Variants in ZDHHC21 observed in about 807,000 individuals in gnomAD.
ZDHHC21 encodes the protein palmitoyltransferase ZDHHC21.
A neutral mutation model predicts 34.6 loss-of-function variants in ZDHHC21; 15 were observed. The observed-to-expected ratio is 0.43, with a 90% CI of 0.29 to 0.67. ZDHHC21 has a LOEUF of 0.67. ZDHHC21 is among the 30% of genes least tolerant of loss of function. The pLI is 0.14. For synonymous variants in ZDHHC21, 142 were observed against 101.8 expected, an observed-to-expected ratio of 1.40 and a Z score of -2.38; for missense variants, 344 against 327.7, an observed-to-expected ratio of 1.05 and a Z score of -0.38.
At chr9:14,689,009 T>G (rs905296297) in intron 2 of ZDHHC21, among the ~76,000 whole-genome samples, 2 of 152,164 alleles carry the variant, frequency 1.3e-5, no homozygotes, top group Non-Finnish European at 2.9e-5. Flanking sequence ...GTGACTGCAC[T>G]GCACTCCAGC....
At chr9:14,690,422 T>G (rs1198139124) in intron 1 of ZDHHC21, 37 bp from the exon 2 acceptor site, 1 of 446,584 alleles carries the variant, frequency 2.2e-6, no homozygotes. Flanking sequence ...ATCAGAAGCT[T>G]GGTTGACATC....
chr9:14,661,384 T>A (rs1192373248), intron 6 of ZDHHC21, among the ~76,000 whole-genome samples: 1 of 152,194 alleles, frequency 6.6e-6, no homozygotes, highest in Non-Finnish European at 1.5e-5. Context: ...ATTAAGAGGC[T>A]CATTATGTAA....
intron 7 of ZDHHC21, among the ~76,000 whole-genome samples, chr9:14,653,170 T>C (rs887015512): frequency 6.6e-6 from 1 of 151,976 alleles, no homozygotes; most frequent in East Asian, 1.9e-4. Flanking sequence ...TAAGATGAAG[T>C]TCCTGATACT....
intron 5 of ZDHHC21, among the ~76,000 whole-genome samples, chr9:14,671,646 A>G (rs1273171007): frequency 6.6e-6 from 1 of 152,028 alleles, no homozygotes; most frequent in Non-Finnish European, 1.5e-5. Context: ...TGCTATGTCA[A>G]AAAACATGGC....
intron 8 of ZDHHC21, among the ~76,000 whole-genome samples, chr9:14,628,771 T>C (rs1173102115): frequency 6.6e-6 from 1 of 152,192 alleles, no homozygotes; most frequent in Non-Finnish European, 1.5e-5. Context: ...AACAGCAAAC[T>C]TATTTTATAA....
the ZDHHC21 span, among the ~76,000 whole-genome samples, chr9:14,596,656 T>C: frequency 0.077 from 11,751 of 152,224 alleles, 1,179 homozygotes; most frequent in African/African-American, 0.24. Context: ...TTCCTTTGTC[T>C]ATTGCTTCAT....
chr9:14,655,764 G>T (rs1832095937), intron 7 of ZDHHC21, among the ~76,000 whole-genome samples: 1 of 151,210 alleles, frequency 6.6e-6, no homozygotes, highest in African/African-American at 2.4e-5. Flanking sequence ...GAGAAAAATG[G>T]GAACACAGAA....
At position 14,613,172 on chromosome 9, in the gene ZDHHC21, C is replaced by T. The variant is rs1477677654; in HGVS notation, c.*5794G>A. The T allele has an allele frequency of 1.3e-5, 2 of 151,808 alleles. No individual in the cohort carries two copies. The highest frequency in any genetic ancestry group is 2.9e-5 in the Non-Finnish European group (2 of 67,852). The allele number at this position is 151,808 out of a possible 1,614,324, so 9.4% of individuals were successfully genotyped here. A position where few individuals can be genotyped will look rare whatever the true frequency, so the allele number is the denominator to read the frequency against. On this transcript the variant is annotated 3_prime_UTR_variant, in exon 10 of 10. Transcript: ENST00000380916. ...AATCCAAATGAGAAACATTTAAAAT[C>T]CATTAAATTGCCAGAGCAGCATGCA...
At chr9:14,686,810 T>C (rs1799807262) in intron 2 of ZDHHC21, among the ~76,000 whole-genome samples, 1 of 149,956 alleles carries the variant, frequency 6.7e-6, no homozygotes, top group South Asian at 2.1e-4. Context: ...CTGTCTCCAC[T>C]AAAAATACAA....
chr9:14,602,928 CAAAAAAAAAAAAA>C, the ZDHHC21 span, among the ~76,000 whole-genome samples: 1 of 88,062 alleles, frequency 1.1e-5, no homozygotes, highest in Non-Finnish European at 2.1e-5. Flanking sequence ...GACTTCATCT[CAAAAAAAAAAAAA>C]AAAAAAAAAA....
At chr9:14,632,064 A>ACACACACAC (rs1554757642) in intron 8 of ZDHHC21, among the ~76,000 whole-genome samples, 26 of 135,178 alleles carry the variant, frequency 1.9e-4, no homozygotes, top group African/African-American at 5.9e-4. Context: ...AACACACACA[A>ACACACACAC]ACACACACAC....
intron 7 of ZDHHC21, among the ~76,000 whole-genome samples, chr9:14,641,200 A>C (rs1356864957): frequency 6.6e-6 from 1 of 152,170 alleles, no homozygotes; most frequent in Non-Finnish European, 1.5e-5. Context: ...TCACCACCAG[A>C]CTCAAGCAAA....
At chr9:14,674,133 A>G in intron 4 of ZDHHC21, 54 bp downstream of exon 4, 1 of 1,306,262 alleles carries the variant, frequency 7.7e-7, no homozygotes, top group South Asian at 1.9e-5. Context: ...CACCCCAAAA[A>G]CGTTTACAAT....
At chr9:14,656,939 T>C (rs892773393) in intron 7 of ZDHHC21, among the ~76,000 whole-genome samples, 20 of 152,174 alleles carry the variant, frequency 1.3e-4, no homozygotes, top group African/African-American at 4.8e-4. Context: ...AATCTCTTAA[T>C]AAACATTTAC....
chr9:14,632,592 A>T (rs1315100584), intron 8 of ZDHHC21, among the ~76,000 whole-genome samples: 148 of 10,562 alleles, frequency 0.014, 63 homozygotes, highest in African/African-American at 0.056. Context: ...GAAAAAAATA[A>T]ATTGAAACAA....
chr9:14,676,940 C>G (rs1029873296), intron 3 of ZDHHC21, among the ~76,000 whole-genome samples: 2 of 152,008 alleles, frequency 1.3e-5, no homozygotes, highest in African/African-American at 4.8e-5. Context: ...GGACTAAAAA[C>G]AGAACATGAA....
chr9:14,653,441 C>T (rs896303180), intron 7 of ZDHHC21, among the ~76,000 whole-genome samples: 1 of 151,898 alleles, frequency 6.6e-6, no homozygotes, highest in Non-Finnish European at 1.5e-5. Context: ...AAAAGAACTG[C>T]TGAAGTAAGA....
At chr9:14,637,032 G>C (rs76192340) in intron 8 of ZDHHC21, among the ~76,000 whole-genome samples, 9,251 of 151,856 alleles carry the variant, frequency 0.061, 319 homozygotes, top group Admixed American at 0.12. Flanking sequence ...AAAATTAGTA[G>C]AAGGAAAGAA....
chr9:14,615,591 G>GT lies in ZDHHC21; in HGVS notation c.*3374dup, dbSNP rs764359003. ...TCAGCTAACTTGATATTTTTAAACT[G>GT]TAAGTCTGGGTTACAAAGTACCAAC... On this transcript the variant is annotated 3_prime_UTR_variant, in exon 10 of 10. Coordinates refer to ENST00000380916, the MANE Select transcript of ZDHHC21 (RefSeq NM_178566.6). 1 of 151,552 alleles carries GT rather than the reference G, an allele frequency of 6.6e-6. No individual in the cohort carries two copies. Among genetic ancestry groups the GT allele is most frequent in the Non-Finnish European group, 1.5e-5 (1 of 67,690 alleles). 9.4% of individuals were successfully genotyped at this position (151,552 alleles called of 1,614,324 possible).
Sources: gnomAD v4.1 joint callset for allele counts (sites outside exome capture counted in the v4.1 genomes callset) on GRCh38, gnomAD v4.1.1 for gene constraint, MANE v1.5 for transcripts, NCBI Gene and HGNC (gene_info 2026-07-23, HGNC 2026-07-21) for gene names.